OXR1: variants seen among roughly 807,000 people sequenced by gnomAD.
OXR1 encodes the protein oxidation resistance protein 1.
OXR1 carries 41 observed loss-of-function variants against 104.6 expected under a neutral mutation model. The ratio of observed to expected loss-of-function variants is 0.39; its 90% confidence interval spans 0.31 to 0.51. The LOEUF (loss-of-function observed/expected upper bound fraction) is 0.51, where lower values mean the gene tolerates loss of function less well. OXR1 is among the 20% of genes least tolerant of loss of function. The pLI, the probability that OXR1 is intolerant of heterozygous loss-of-function variation, is 0.77. For synonymous variants in OXR1, 348 were observed against 348.4 expected, an observed-to-expected ratio of 1.00 and a Z score of 0.01; for missense variants, 955 against 1,031.9, an observed-to-expected ratio of 0.93 and a Z score of 1.02.
chr8:106,588,640 G>A (rs1818838696), intron 3 of OXR1, among the ~76,000 whole-genome samples: 1 of 151,656 alleles, frequency 6.6e-6, no homozygotes, highest in Admixed American at 6.6e-5. Flanking sequence ...CATCCACTGT[G>A]CCTGGCTAAT....
At chr8:106,494,568 G>A (rs1341115550) in intron 2 of OXR1, among the ~76,000 whole-genome samples, 1 of 152,168 alleles carries the variant, frequency 6.6e-6, no homozygotes, top group African/African-American at 2.4e-5. Context: ...TCTACAGTAT[G>A]TAGTTGGCTT....
intron 1 of OXR1, among the ~76,000 whole-genome samples, chr8:106,308,499 C>T (rs376589295): frequency 1.3e-5 from 2 of 152,268 alleles, no homozygotes; most frequent in African/African-American, 4.8e-5. Flanking sequence ...CATCACACCT[C>T]TTTAGGTTAA....
chr8:106,334,099 A>G (rs1814850564), intron 1 of OXR1, among the ~76,000 whole-genome samples: 1 of 152,242 alleles, frequency 6.6e-6, no homozygotes, highest in Admixed American at 6.5e-5. Flanking sequence ...AACCATGAAC[A>G]TAAACATGTC....
At chr8:106,428,975 G>T (rs1819248168) in intron 2 of OXR1, among the ~76,000 whole-genome samples, 1 of 152,038 alleles carries the variant, frequency 6.6e-6, no homozygotes, top group South Asian at 2.1e-4. Context: ...CACAAACACA[G>T]ATTTAAAACT....
At chr8:106,551,868 G>GTATATATA (rs1563599795) in intron 3 of OXR1, among the ~76,000 whole-genome samples, 2 of 126,962 alleles carry the variant, frequency 1.6e-5, no homozygotes, top group African/African-American at 2.9e-5. Flanking sequence ...ATATGTGTGT[G>GTATATATA]TGTGTGTGTG....
rs1484418 is a variant in OXR1, at chr8:106,706,430, G to A, written c.909G>A (p.Met303Ile). 8 of 1,591,422 alleles carry A rather than the reference G, an allele frequency of 5.0e-6. No homozygotes were observed. In the East Asian group the frequency reaches 9.0e-5, roughly 18 times the overall value. ...SGRDFCHSKKMTGSNTEEIDS... is the reference protein window; with the variant it reads ...SGRDFCHSKKITGSNTEEIDS... ...GGGACTTCTGCCATTCAAAGAAAATGACAGGAAGTAACACTGAGGAAATAG... is the reference window on the plus strand; with the variant it reads ...GGGACTTCTGCCATTCAAAGAAAATAACAGGAAGTAACACTGAGGAAATAG... The change falls in exon 9 of 17, where the codon ATG becomes ATA. Residue 303 changes from methionine (M) to isoleucine (I), a missense_variant. Transcript: ENST00000517566.
At chr8:106,505,130 C>T (rs1305589373) in intron 2 of OXR1, among the ~76,000 whole-genome samples, 1 of 152,140 alleles carries the variant, frequency 6.6e-6, no homozygotes, top group African/African-American at 2.4e-5. Flanking sequence ...ATTAGGAATG[C>T]TGTGGTTTTC....
intron 3 of OXR1, among the ~76,000 whole-genome samples, chr8:106,534,658 G>A (rs1814347350): frequency 6.6e-6 from 1 of 152,206 alleles, no homozygotes; most frequent in Non-Finnish European, 1.5e-5. Flanking sequence ...CATTGGCTGT[G>A]TTGGTCAAGT....
chr8:106,642,758 G>A (rs927273626), intron 3 of OXR1, among the ~76,000 whole-genome samples: 10 of 152,218 alleles, frequency 6.6e-5, no homozygotes, highest in Admixed American at 3.3e-4. Context: ...GTAGTTAGGC[G>A]AATAGCCCGA....
At position 106,566,158 on chromosome 8, in the gene OXR1, A is replaced by C. The variant is rs545908253; in HGVS notation, c.220+47019A>C. 1.0e-3 allele frequency among the ~76,000 whole-genome samples: 153 copies of C among 152,336 alleles called. 1 individual carries two copies. The South Asian group carries it at 0.029, about 29-fold the overall frequency. On this transcript the variant is annotated intron_variant, in intron 3 of 16. Transcript: ENST00000517566. ...TTAAACTAAAGAGCTTCTGCTCAGC[A>C]AAAGAAACTATCATCAGAGTGAACA...
intron 2 of OXR1, among the ~76,000 whole-genome samples, chr8:106,379,679 A>G (rs1817061245): frequency 6.6e-6 from 1 of 151,580 alleles, no homozygotes; most frequent in Admixed American, 6.6e-5. Flanking sequence ...CTGGGATTAC[A>G]GATGCGTGTC....
intron 3 of OXR1, among the ~76,000 whole-genome samples, chr8:106,561,554 C>G (rs1395715661): frequency 6.6e-6 from 1 of 152,188 alleles, no homozygotes; most frequent in Non-Finnish European, 1.5e-5. Flanking sequence ...GCAGCTTCAG[C>G]TGACTTAAAC....
chr8:106,466,998 C>T (rs1205140559), intron 2 of OXR1, among the ~76,000 whole-genome samples: 1 of 151,876 alleles, frequency 6.6e-6, no homozygotes, highest in Non-Finnish European at 1.5e-5. Flanking sequence ...TTCCACAACA[C>T]TATAAACTAA....
At chr8:106,496,830 G>A (rs1240545909) in intron 2 of OXR1, among the ~76,000 whole-genome samples, 1 of 152,178 alleles carries the variant, frequency 6.6e-6, no homozygotes, top group Non-Finnish European at 1.5e-5. Flanking sequence ...AGAAACAGCA[G>A]AATCACAGCC....
intron 1 of OXR1, among the ~76,000 whole-genome samples, chr8:106,271,389 G>A (rs1346927721): frequency 5.3e-5 from 8 of 152,142 alleles, no homozygotes; most frequent in African/African-American, 1.9e-4. Context: ...CACGCTCAGG[G>A]TGCAGTGTAG....
intron 1 of OXR1, among the ~76,000 whole-genome samples, chr8:106,321,372 G>T (rs1210116298): frequency 6.6e-6 from 1 of 152,128 alleles, no homozygotes; most frequent in East Asian, 1.9e-4. Context: ...TGGTGAGGAG[G>T]GTCCTTGGAC....
intron 3 of OXR1, among the ~76,000 whole-genome samples, chr8:106,521,454 C>T (rs752058084): frequency 8.6e-5 from 13 of 152,036 alleles, no homozygotes; most frequent in Non-Finnish European, 1.5e-4. Flanking sequence ...TCTTGTGACC[C>T]GTCAGAATCA....
rs564219194 is a variant in OXR1 at position 106,322,070 on chromosome 8, T to C, written c.-138-37406T>C. On this transcript the variant is annotated intron_variant, in intron 1 of 16. Transcript: ENST00000517566. ...CTGAATTTTAGCTCTGCCATCTCCA[T>C]CCCCAACAAGAGGGGCATTGCTTTT... Among the ~76,000 whole-genome samples, 460 of 152,290 alleles carry C rather than the reference T, an allele frequency of 3.0e-3. 1 individual carries two copies. Among genetic ancestry groups the C allele is most frequent in the African/African-American group, 0.011 (442 of 41,564 alleles).
intron 3 of OXR1, among the ~76,000 whole-genome samples, chr8:106,620,312 CAG>C (rs1821595929): frequency 6.6e-6 from 1 of 151,866 alleles, no homozygotes; most frequent in Admixed American, 6.6e-5. Flanking sequence ...ATTTAATTGA[CAG>C]TTTTTTTTTC....
Sources: allele counts gnomAD v4.1 joint callset (sites outside exome capture counted in the v4.1 genomes callset), GRCh38; gene constraint gnomAD v4.1.1; transcripts MANE v1.5; gene names NCBI Gene and HGNC (gene_info 2026-07-23, HGNC 2026-07-21).